SDK1: variants seen among roughly 807,000 people sequenced by gnomAD.
SDK1 encodes the protein sidekick cell adhesion molecule 1.
Under a neutral mutation model 245.5 loss-of-function variants are expected in SDK1, and 157 were observed. The ratio of observed to expected loss-of-function variants is 0.64; its 90% CI spans 0.56 to 0.73. SDK1 has a LOEUF of 0.73. Among genes scored for constraint, SDK1 ranks in the 30% least tolerant of loss-of-function variants. The probability of loss-of-function intolerance (pLI) is 0.00; values close to 1 mark genes in which losing one functional copy is unlikely to be tolerated. For synonymous variants in SDK1, 1,647 were observed against 1,278.5 expected, an observed-to-expected ratio of 1.29 and a Z score of -6.15; for missense variants, 3,583 against 3,002.3, an observed-to-expected ratio of 1.19 and a Z score of -4.52.
At chr7:3,742,834 C>A (rs956815190) in intron 4 of SDK1, among the ~76,000 whole-genome samples, 1 of 151,876 alleles carries the variant, frequency 6.6e-6, no homozygotes, top group Non-Finnish European at 1.5e-5. Flanking sequence ...GGATAGAGGT[C>A]GAATGGATCG....
intron 1 of SDK1, among the ~76,000 whole-genome samples, chr7:3,547,521 A>C (rs1225835912): frequency 6.6e-6 from 1 of 152,186 alleles, no homozygotes; most frequent in African/African-American, 2.4e-5. Context: ...TTTTCACCAA[A>C]GAATACTAAC....
intron 5 of SDK1, among the ~76,000 whole-genome samples, chr7:3,907,596 C>T (rs1475483294): frequency 6.6e-6 from 1 of 152,148 alleles, no homozygotes; most frequent in African/African-American, 2.4e-5. Context: ...AGTATCTGTT[C>T]GAGTCTCTAT....
At chr7:4,048,120 A>AAGAGTGT (rs1789154344) in intron 17 of SDK1, among the ~76,000 whole-genome samples, 1 of 152,100 alleles carries the variant, frequency 6.6e-6, no homozygotes, top group South Asian at 2.1e-4. Context: ...GGGAGCCGAG[A>AAGAGTGT]AGAGTGTAGC....
chr7:3,810,765 G>C (rs1779364065), intron 4 of SDK1, among the ~76,000 whole-genome samples: 1 of 152,058 alleles, frequency 6.6e-6, no homozygotes, highest in African/African-American at 2.4e-5. Flanking sequence ...CACATGTGGA[G>C]AAAAGGCCAG....
intron 22 of SDK1, among the ~76,000 whole-genome samples, chr7:4,091,637 C>G (rs935803888): frequency 1.3e-5 from 2 of 152,102 alleles, no homozygotes; most frequent in African/African-American, 4.8e-5. Context: ...CCACTGCACC[C>G]TGCCAACAGC....
chr7:3,369,518 T>C (rs1781171627), intron 1 of SDK1, among the ~76,000 whole-genome samples: 2 of 152,212 alleles, frequency 1.3e-5, no homozygotes, highest in South Asian at 4.1e-4. Flanking sequence ...CAGAGTGTTC[T>C]GATCCAAGGA....
Position 4,220,498 on chromosome 7 carries a change from C to T in SDK1, c.5701+228C>T, listed in dbSNP as rs1034944785. Among the ~76,000 whole-genome samples the T allele has an allele frequency of 3.4e-5, 5 of 144,970 alleles. No homozygotes were observed. In the South Asian group the frequency reaches 1.1e-3, roughly 32 times the overall value. ...CATGGGCACATTGTTAAATATTAAG[C>T]ATGTCAAGTTTTAGTTGTTTTTTTT... is the stretch of plus-strand genomic sequence containing the variant. On this transcript the variant is annotated intron_variant, in intron 39 of 44. Transcript: ENST00000404826.
At chr7:3,964,364 TGAG>T (rs1250069667) in intron 9 of SDK1, among the ~76,000 whole-genome samples, 1 of 152,186 alleles carries the variant, frequency 6.6e-6, no homozygotes. Flanking sequence ...TCCTCTTTCT[TGAG>T]GAGAAGTAGA....
intron 1 of SDK1, among the ~76,000 whole-genome samples, chr7:3,537,305 T>G (rs1366523945): frequency 6.6e-6 from 1 of 152,236 alleles, no homozygotes; most frequent in African/African-American, 2.4e-5. Context: ...CCATTGTTCT[T>G]CTTTTCTTAA....
intron 1 of SDK1, 64 bp from the exon 2 acceptor site, chr7:3,619,016 A>G: frequency 7.8e-7 from 1 of 1,278,014 alleles, no homozygotes; most frequent in Non-Finnish European, 1.1e-6. Context: ...GATTTATTAA[A>G]TTAGATGAGT....
At chr7:3,931,539 C>T (rs1779979939) in intron 5 of SDK1, among the ~76,000 whole-genome samples, 1 of 152,148 alleles carries the variant, frequency 6.6e-6, no homozygotes, top group South Asian at 2.1e-4. Flanking sequence ...TAACCAAGTC[C>T]CTCCTTTGTT....
chr7:3,809,784 T>C (rs6969235), intron 4 of SDK1, among the ~76,000 whole-genome samples: 54,578 of 151,890 alleles, frequency 0.36, 11,512 homozygotes, highest in African/African-American at 0.58. Flanking sequence ...GTCCTCTGCC[T>C]GGTGCGCCTT....
intron 1 of SDK1, among the ~76,000 whole-genome samples, chr7:3,477,197 T>TTTTG (rs1781372013): frequency 2.2e-5 from 3 of 135,058 alleles, no homozygotes; most frequent in African/African-American, 8.7e-5. Context: ...TCCTTTTTTT[T>TTTTG]TTTTTTTTTT....
chr7:3,424,113 T>C (rs766079804), intron 1 of SDK1, among the ~76,000 whole-genome samples: 3 of 152,122 alleles, frequency 2.0e-5, no homozygotes, highest in Non-Finnish European at 4.4e-5. Flanking sequence ...GGTTTCACCA[T>C]GTTTGCCAGG....
chr7:3,940,708 C>G (rs920906531), intron 5 of SDK1, among the ~76,000 whole-genome samples: 1 of 152,124 alleles, frequency 6.6e-6, no homozygotes, highest in Admixed American at 6.5e-5. Flanking sequence ...GTAATCCCAG[C>G]TACTCCGGAG....
At chr7:4,069,150 C>G (rs76462826) in intron 20 of SDK1, among the ~76,000 whole-genome samples, 186 of 152,366 alleles carry the variant, frequency 1.2e-3, no homozygotes, top group African/African-American at 4.1e-3. Context: ...GCAGGGCCCC[C>G]TGTTCTACTG....
At chr7:3,449,637 C>T (rs1057337310) in intron 1 of SDK1, among the ~76,000 whole-genome samples, 1 of 152,118 alleles carries the variant, frequency 6.6e-6, no homozygotes, top group Non-Finnish European at 1.5e-5. Context: ...TGCTACATTC[C>T]TAGGATAGAA....
chr7:3,916,447 C>G (rs1779383299), intron 5 of SDK1, among the ~76,000 whole-genome samples: 1 of 152,194 alleles, frequency 6.6e-6, no homozygotes, highest in African/African-American at 2.4e-5. Flanking sequence ...TTTCCTTGCA[C>G]ACGTCTTAGT....
intron 1 of SDK1, among the ~76,000 whole-genome samples, chr7:3,441,532 A>G (rs1780197308): frequency 1.3e-5 from 2 of 152,032 alleles, no homozygotes; most frequent in African/African-American, 4.8e-5. Flanking sequence ...GTATGTGTGG[A>G]TCTATTTTTG....
Sources: allele counts gnomAD v4.1 joint callset (sites outside exome capture counted in the v4.1 genomes callset), GRCh38; gene constraint gnomAD v4.1.1; transcripts MANE v1.5; gene names NCBI Gene and HGNC (gene_info 2026-07-23, HGNC 2026-07-21).